CKAP5: variants seen among roughly 807,000 people sequenced by gnomAD.
The protein encoded by CKAP5 is cytoskeleton-associated protein 5.
A neutral mutation model predicts 232.8 loss-of-function variants in CKAP5; 27 were observed. That is an observed-to-expected ratio of 0.12 (90% CI 0.09 to 0.16). The LOEUF is 0.16. Among genes scored for constraint, CKAP5 ranks in the 10% least tolerant of loss-of-function variants. CKAP5 has a pLI of 1.00. For missense variants in CKAP5, 1,838 were observed against 2,424.7 expected (o/e 0.76, Z 5.08); for synonymous variants, 785 against 841.1 (o/e 0.93, Z 1.16).
intron 1 of CKAP5, among the ~76,000 whole-genome samples, chr11:46,843,465 T>C (rs1421923884): frequency 6.6e-6 from 1 of 151,940 alleles, no homozygotes; most frequent in African/African-American, 2.4e-5. Flanking sequence ...GCGTAGTGGT[T>C]CACGCCTGTA....
At position 46,767,676 on chromosome 11, in the gene CKAP5, AAAT is replaced by A. The variant is rs2065213713; in HGVS notation, c.3323-16_3323-14del. ...TCTTCAGCAGGTGCTTTGAGGAAAAAAATATATATATACTATAAACTTTAACTA... is the reference window on the plus strand; with the variant it reads ...TCTTCAGCAGGTGCTTTGAGGAAAAAATATATATACTATAAACTTTAACTA... On this transcript the variant is annotated splice_polypyrimidine_tract_variant and intron_variant, in intron 26 of 43. Coordinates refer to ENST00000529230, the MANE Select transcript of CKAP5 (RefSeq NM_001008938.4). 1 of 1,524,998 alleles carries A rather than the reference AAAT, an allele frequency of 6.6e-7. No individual in the cohort carries two copies. Among genetic ancestry groups the A allele is most frequent in the African/African-American group, 1.4e-5 (1 of 72,696 alleles). 94.5% of individuals were successfully genotyped at this position (1,524,998 alleles called of 1,614,324 possible).
At chr11:46,837,052 G>A (rs1358876467) in intron 1 of CKAP5, among the ~76,000 whole-genome samples, 3 of 152,182 alleles carry the variant, frequency 2.0e-5, no homozygotes, top group Admixed American at 6.5e-5. Flanking sequence ...GTAATGAGTG[G>A]AGTCTGAAAG....
intron 1 of CKAP5, among the ~76,000 whole-genome samples, chr11:46,833,091 T>C (rs975284922): frequency 1.3e-5 from 2 of 152,158 alleles, no homozygotes; most frequent in Non-Finnish European, 2.9e-5. Context: ...TGCACCACAA[T>C]AGCCCTGAGG....
chr11:46,784,488 C>T lies in CKAP5; in HGVS notation c.2154G>A (p.Gln718=), dbSNP rs2065370311. 1 of 1,610,158 alleles carries T rather than the reference C, an allele frequency of 6.2e-7. No individual in the cohort carries two copies. The highest frequency in any genetic ancestry group is 1.1e-5 in the South Asian group (1 of 90,226). The change falls in exon 17 of 44, where the codon CAG becomes CAA. Residue 718 remains glutamine (Q), a splice_region_variant and synonymous_variant. Coordinates refer to ENST00000529230, the MANE Select transcript of CKAP5 (RefSeq NM_001008938.4). The part of the protein sequence containing the change: ...EACMLPWTAE[Q]VVSMAFSQKN... The stretch of plus-strand genomic sequence containing the variant: ...GGAATAAGACTTCTGTGTCACTAAC[C>T]TGTTCAGCAGTCCATGGTAACATAC...
chr11:46,763,727 T>A, intron 28 of CKAP5, 97 bp from the exon 29 acceptor site: 2 of 761,536 alleles, frequency 2.6e-6, no homozygotes, highest in Non-Finnish European at 3.8e-6. Flanking sequence ...ATAAAATATT[T>A]AAAAATTCAA....
intron 1 of CKAP5, among the ~76,000 whole-genome samples, chr11:46,844,883 T>A (rs1000807890): frequency 6.6e-6 from 1 of 152,116 alleles, no homozygotes; most frequent in Non-Finnish European, 1.5e-5. Flanking sequence ...CTCAAACTCC[T>A]GACCTCGTGA....
chr11:46,795,914 A>G, intron 12 of CKAP5, 138 bp from the exon 13 acceptor site: 1 of 696,816 alleles, frequency 1.4e-6, no homozygotes, highest in Non-Finnish European at 2.4e-6. Context: ...CTATAATCCT[A>G]GCACTTTGGA....
intron 4 of CKAP5, among the ~76,000 whole-genome samples, chr11:46,811,939 T>C (rs1361956445): frequency 6.6e-6 from 1 of 152,242 alleles, no homozygotes; most frequent in African/African-American, 2.4e-5. Context: ...CAATATTTTG[T>C]TCCTGACTTT....
At chr11:46,825,357 G>A (rs1939628034) in intron 1 of CKAP5, among the ~76,000 whole-genome samples, 1 of 151,996 alleles carries the variant, frequency 6.6e-6, no homozygotes, top group South Asian at 2.1e-4. Flanking sequence ...ACTAGAGCTG[G>A]GCCTAGAACC....
At chr11:46,775,730 C>G (rs1190001750) in intron 24 of CKAP5, among the ~76,000 whole-genome samples, 1 of 152,046 alleles carries the variant, frequency 6.6e-6, no homozygotes, top group Admixed American at 6.6e-5. Context: ...GAACAGAACA[C>G]CAAACACCGC....
intron 33 of CKAP5, 135 bp downstream of exon 33, chr11:46,760,477 C>T: frequency 1.2e-6 from 1 of 835,844 alleles, no homozygotes; most frequent in Non-Finnish European, 1.9e-6. Flanking sequence ...CATTTGGTTA[C>T]AATACATTTA....
chr11:46,763,639 A>C lies in CKAP5; in HGVS notation c.3538-9T>G. ...AAATTCCACTTTAGCACCTGGAAAA[A>C]ACAAACGGTGAAAAGGGGCTACAGG... On this transcript the variant is annotated splice_polypyrimidine_tract_variant and intron_variant, in intron 28 of 43. Transcript: ENST00000529230. 6.5e-7 allele frequency: 1 copy of C among 1,528,526 alleles called. No individual in the cohort carries two copies. The highest frequency in any genetic ancestry group is 8.8e-7 in the Non-Finnish European group (1 of 1,137,322). 94.7% of individuals were successfully genotyped at this position (1,528,526 alleles called of 1,614,324 possible). A position where few individuals can be genotyped will look rare whatever the true frequency, so the allele number is the denominator to read the frequency against.
chr11:46,796,741 C>G, intron 12 of CKAP5, 71 bp downstream of exon 12: 2 of 1,569,034 alleles, frequency 1.3e-6, no homozygotes, highest in Non-Finnish European at 1.7e-6. Context: ...CTATAACTGT[C>G]AAGAGACAAA....
intron 1 of CKAP5, among the ~76,000 whole-genome samples, chr11:46,831,568 G>A (rs1939794142): frequency 6.6e-6 from 1 of 152,136 alleles, no homozygotes. Flanking sequence ...TTGCTCCATT[G>A]CCCAGGCTGG....
At chr11:46,749,144 G>A (rs2065043834) in intron 42 of CKAP5, among the ~76,000 whole-genome samples, 1 of 150,750 alleles carries the variant, frequency 6.6e-6, no homozygotes, top group Non-Finnish European at 1.5e-5. Context: ...TTTAGTTTTT[G>A]ACATGTAGAG....
intron 35 of CKAP5, among the ~76,000 whole-genome samples, chr11:46,757,016 C>T (rs549398789): frequency 1.7e-4 from 25 of 151,206 alleles, no homozygotes; most frequent in African/African-American, 5.8e-4. Context: ...CTGCCCACCT[C>T]GGCCTCCCAA....
At position 46,751,541 on chromosome 11, in the gene CKAP5, A is replaced by C; in HGVS notation, c.5134-7T>G. The stretch of plus-strand genomic sequence containing the variant: ...GAACCATTCTCCAGAGACACTATTG[A>C]AAAAAGAATAAAAGAGTTAGGAGTG... On this transcript the variant is annotated splice_polypyrimidine_tract_variant and splice_region_variant and intron_variant, in intron 38 of 43. Coordinates refer to ENST00000529230, the MANE Select transcript of CKAP5 (RefSeq NM_001008938.4). The C allele has an allele frequency of 6.3e-7, 1 of 1,597,684 alleles. No homozygotes were observed. Among genetic ancestry groups the C allele is most frequent in the Non-Finnish European group, 8.5e-7 (1 of 1,172,558 alleles).
intron 8 of CKAP5, among the ~76,000 whole-genome samples, chr11:46,803,200 G>A (rs1182881358): frequency 6.6e-6 from 1 of 151,962 alleles, no homozygotes; most frequent in Non-Finnish European, 1.5e-5. Context: ...GGAGGCGGAG[G>A]TTGCAGTGAG....
At chr11:46,813,748 T>C (rs1939328619) in intron 4 of CKAP5, among the ~76,000 whole-genome samples, 1 of 152,100 alleles carries the variant, frequency 6.6e-6, no homozygotes, top group Non-Finnish European at 1.5e-5. Context: ...ATACGTAACT[T>C]GTTATTTTCC....
Sources: gnomAD v4.1 joint callset for allele counts (sites outside exome capture counted in the v4.1 genomes callset) on GRCh38, gnomAD v4.1.1 for gene constraint, MANE v1.5 for transcripts, NCBI Gene and HGNC (gene_info 2026-07-23, HGNC 2026-07-21) for gene names.